STARD6: variants seen among roughly 807,000 people sequenced by gnomAD.
STARD6 encodes the protein StAR related lipid transfer domain containing 6.
In STARD6, 21 loss-of-function variants were observed where a neutral mutation model predicts 22.3. That is an observed-to-expected ratio of 0.94 (90% confidence interval 0.67 to 1.35). The LOEUF (loss-of-function observed/expected upper bound fraction) is 1.35, where lower values mean the gene tolerates loss of function less well. Among genes scored for constraint, STARD6 ranks in the 40% most tolerant of loss-of-function variants. The probability of loss-of-function intolerance (pLI) is 0.00; values close to 1 mark genes in which losing one functional copy is unlikely to be tolerated. For synonymous variants in STARD6, 80 were observed against 88.1 expected (o/e 0.91, Z 0.52); for missense variants, 269 against 266.9 (o/e 1.01, Z -0.05).
chr18:54,336,775 T>C (rs538847682), intron 5 of STARD6, among the ~76,000 whole-genome samples: 4 of 152,324 alleles, frequency 2.6e-5, no homozygotes, highest in Non-Finnish European at 5.9e-5. Flanking sequence ...TAATATCTGA[T>C]GTAATATGAC....
At chr18:54,348,849 T>C (rs909794308) in intron 4 of STARD6, among the ~76,000 whole-genome samples, 1 of 152,126 alleles carries the variant, frequency 6.6e-6, no homozygotes, top group Non-Finnish European at 1.5e-5. Flanking sequence ...CCTTTTTGAG[T>C]AGCAAATTAT....
intron 4 of STARD6, among the ~76,000 whole-genome samples, chr18:54,350,201 A>C (rs969212359): frequency 5.9e-5 from 9 of 151,722 alleles, no homozygotes; most frequent in African/African-American, 2.2e-4. Context: ...ATGGTATCTC[A>C]CTCTGGTTTT....
At chr18:54,352,181 T>C (rs183673784) in intron 4 of STARD6, among the ~76,000 whole-genome samples, 2 of 152,176 alleles carry the variant, frequency 1.3e-5, no homozygotes, top group African/African-American at 4.8e-5. Context: ...AGGAGGGTTG[T>C]ATTTTTTCCC....
intron 5 of STARD6, among the ~76,000 whole-genome samples, 181 bp from the exon 6 acceptor site, chr18:54,332,040 A>G (rs954168863): frequency 6.6e-6 from 1 of 152,164 alleles, no homozygotes; most frequent in African/African-American, 2.4e-5. Flanking sequence ...CATTAAATCT[A>G]CGAGTGTAGA....
chr18:54,356,871 A>C (rs1340184629), intron 1 of STARD6, among the ~76,000 whole-genome samples: 1 of 152,234 alleles, frequency 6.6e-6, no homozygotes, highest in Non-Finnish European at 1.5e-5. Flanking sequence ...TACCACTAGC[A>C]GGGTATGTCT....
At chr18:54,354,147 C>A in intron 3 of STARD6, 44 bp from the exon 4 acceptor site, 5 of 1,270,656 alleles carry the variant, frequency 3.9e-6, no homozygotes, top group East Asian at 2.5e-5. Flanking sequence ...CTGTCAAATG[C>A]AGGAAAAATG....
In STARD6 at chr18:54,353,113, T is replaced by C. The variant is rs558219648; in HGVS notation, c.140+941A>G. Among the ~76,000 whole-genome samples the C allele has an allele frequency of 1.9e-3, 286 of 152,258 alleles. 1 individual carries two copies. The highest frequency in any genetic ancestry group is 3.4e-3 in the Non-Finnish European group (234 of 68,016). ...TAAAAAATTGGGCTGAAATATAATA[T>C]AGGTAAATTTTATTGAAATTTTAAA... On this transcript the variant is annotated intron_variant, in intron 4 of 7. Transcript: ENST00000307844.
chr18:54,337,812 A>G (rs1703335014), intron 4 of STARD6, among the ~76,000 whole-genome samples: 1 of 152,254 alleles, frequency 6.6e-6, no homozygotes, highest in Non-Finnish European at 1.5e-5. Flanking sequence ...TAAGAAAAGT[A>G]CAAATTACAG....
At chr18:54,331,403 A>T in intron 6 of STARD6, among the ~76,000 whole-genome samples, 1 of 152,314 alleles carries the variant, frequency 6.6e-6, no homozygotes, top group South Asian at 2.1e-4. Context: ...CATTATAAGC[A>T]ATTCAAATAT....
chr18:54,337,687 G>T (rs925536494), intron 4 of STARD6, among the ~76,000 whole-genome samples: 2 of 152,174 alleles, frequency 1.3e-5, no homozygotes, highest in African/African-American at 4.8e-5. Context: ...GACCAAATGA[G>T]TTGCAAAGCC....
intron 7 of STARD6, among the ~76,000 whole-genome samples, chr18:54,326,747 CA>C (rs2088828646): frequency 6.6e-6 from 1 of 151,052 alleles, no homozygotes; most frequent in Non-Finnish European, 1.5e-5. Context: ...ATATAATTCT[CA>C]AATTTTATTT....
intron 4 of STARD6, among the ~76,000 whole-genome samples, chr18:54,346,361 C>G (rs1033963211): frequency 6.6e-6 from 1 of 152,010 alleles, no homozygotes; most frequent in Non-Finnish European, 1.5e-5. Flanking sequence ...CAATGAGATA[C>G]CACTACATAC....
rs1028538225 is a variant in STARD6 at position 54,324,804 on chromosome 18, A to G, written c.551T>C (p.Ile184Thr). Reference sequence around the variant, plus strand: ...TAAGTTGGAAGGCATGGTTTTTTCAATTATTGATGGGGACAATTTTCCTCT... The same window carrying G: ...TAAGTTGGAAGGCATGGTTTTTTCAGTTATTGATGGGGACAATTTTCCTCT... ...EMRGKLSPSI[I>T]EKTMPSNLVN... Residue 184 changes from isoleucine (I) to threonine (T), a missense_variant, in exon 8 of 8, where the codon ATT (isoleucine) becomes ACT (threonine). Ile to Thr is a moderately conservative substitution (Grantham distance 89, BLOSUM62 -1). Coordinates refer to ENST00000307844, the MANE Select transcript of STARD6 (RefSeq NM_139171.2). The G allele has an allele frequency of 3.1e-6, 5 of 1,606,960 alleles. No individual in the cohort carries two copies. The highest frequency in any genetic ancestry group is 2.3e-5 in the East Asian group (1 of 44,184).
At chr18:54,345,933 G>A (rs1036182820) in intron 4 of STARD6, among the ~76,000 whole-genome samples, 8 of 152,060 alleles carry the variant, frequency 5.3e-5, no homozygotes, top group African/African-American at 1.7e-4. Context: ...AACTCAAAGT[G>A]ATCACAACAG....
chr18:54,348,896 T>C (rs1051709604), intron 4 of STARD6, among the ~76,000 whole-genome samples: 6 of 152,116 alleles, frequency 3.9e-5, no homozygotes, highest in African/African-American at 1.4e-4. Context: ...TTATCTTGAG[T>C]TTATTTTTTT....
intron 4 of STARD6, among the ~76,000 whole-genome samples, chr18:54,342,416 G>GCTCTCCCTCTCC (rs1568171185): frequency 5.9e-5 from 7 of 118,486 alleles, no homozygotes; most frequent in African/African-American, 3.0e-4. Context: ...ATAAGAAAAT[G>GCTCTCCCTCTCC]CTCTCCGTCT....
At chr18:54,347,221 C>A (rs1180956438) in intron 4 of STARD6, among the ~76,000 whole-genome samples, 3 of 152,030 alleles carry the variant, frequency 2.0e-5, no homozygotes, top group Non-Finnish European at 4.4e-5. Flanking sequence ...TATATTTTAT[C>A]TAAGTAACTT....
chr18:54,337,226 C>T lies in STARD6; in HGVS notation c.166G>A (p.Glu56Lys), dbSNP rs1361780231. ...NLYRVEGIIP[E>K]SPAKLSDFLY... ...AAATCAGATAGTTTAGCTGGTGATT[C>T]TGGAATTATCCCTTCAACACGATAT... The change falls in exon 5 of 8, where the codon GAA becomes AAA. Residue 56 changes from glutamate (E) to lysine (K), a missense_variant. Physicochemically the swap from Glu to Lys is moderately conservative, Grantham distance 56 (BLOSUM62 1). Transcript: ENST00000307844. 1.2e-6 allele frequency: 2 copies of T among 1,613,214 alleles called. No individual in the cohort carries two copies. The highest frequency in any genetic ancestry group is 1.1e-5 in the South Asian group (1 of 90,958).
intron 6 of STARD6, among the ~76,000 whole-genome samples, chr18:54,330,353 T>G (rs563184032): frequency 3.3e-5 from 5 of 152,162 alleles, no homozygotes; most frequent in African/African-American, 1.2e-4. Flanking sequence ...AATATGGAAA[T>G]TATGCTTGTC....
Sources: gnomAD v4.1 joint callset for allele counts (sites outside exome capture counted in the v4.1 genomes callset) on GRCh38, gnomAD v4.1.1 for gene constraint, MANE v1.5 for transcripts, NCBI Gene and HGNC (gene_info 2026-07-23, HGNC 2026-07-21) for gene names.